The following GAS5 variants were observed in gnomAD, a reference collection of about 807,000 sequenced individuals.
The protein encoded by GAS5 is growth arrest specific 5.
upstream of GAS5, chr1:173,867,239 C>A: frequency 1.9e-6 from 1 of 527,988 alleles, no homozygotes; most frequent in Non-Finnish European, 3.3e-6. Flanking sequence ...CCGATGGCGG[C>A]CGGGCGCGGT....
chr1:173,864,937 G>T lies in GAS5; in HGVS notation n.276+534C>A, dbSNP rs747423686. The T allele has an allele frequency of 9.7e-6, 5 of 515,416 alleles. No homozygotes were observed. In the East Asian group the frequency reaches 2.7e-4, roughly 28 times the overall value. 31.9% of individuals were successfully genotyped at this position (515,416 alleles called of 1,614,324 possible). ...TACAACACTTAAAAACCAGACTTGA[G>T]GCGGGGCATGGTGGCTCACGCCTGT... is the stretch of plus-strand genomic sequence containing the variant. On this transcript the variant is annotated intron_variant and non_coding_transcript_variant, in intron 6 of 7. Coordinates refer to ENST00000651080, the Ensembl canonical transcript of GAS5.
At chr1:173,866,259 T>C (rs753395193) in intron 3 of GAS5, 1 of 502,862 alleles carries the variant, frequency 2.0e-6, no homozygotes, top group Non-Finnish European at 4.0e-6. Context: ...GGTAGATTGG[T>C]GGTACACTGC....
At chr1:173,864,359 TTAG>T (rs1472014140) in intron 6 of GAS5, 3 of 518,826 alleles carry the variant, frequency 5.8e-6, no homozygotes, top group African/African-American at 3.8e-5. Context: ...GTGATGCTTG[TTAG>T]TAGAGTAACC....
chr1:173,865,815 G>A (rs1003069702), intron 5 of GAS5: 8 of 513,108 alleles, frequency 1.6e-5, no homozygotes, highest in Non-Finnish European at 3.1e-5. Context: ...ATCACCATCA[G>A]CATTTTCATT....
intron 7 of GAS5, chr1:173,864,030 G>A: frequency 2.7e-6 from 1 of 374,048 alleles, no homozygotes. Context: ...TGAGGCTGTA[G>A]TAAGCTTCAA....
upstream of GAS5, chr1:173,868,783 T>C (rs1235167939): frequency 6.5e-6 from 1 of 153,002 alleles, no homozygotes; most frequent in South Asian, 2.1e-4. Context: ...CCCGACGCCT[T>C]GTCCCCATCT....
upstream of GAS5, chr1:173,868,708 C>G (rs1050018730): frequency 2.6e-5 from 4 of 152,900 alleles, no homozygotes; most frequent in Non-Finnish European, 5.8e-5. Flanking sequence ...CCGCCCGCCG[C>G]CGCCTGGAGC....
intron 6 of GAS5, chr1:173,864,894 T>C (rs976670351): frequency 1.9e-6 from 1 of 518,906 alleles, no homozygotes; most frequent in African/African-American, 1.9e-5. Context: ...AACTATGTTA[T>C]CATCATTGTA....
intron 3 of GAS5, chr1:173,866,376 CA>C (rs1364815170): frequency 1.9e-6 from 1 of 536,504 alleles, no homozygotes; most frequent in Non-Finnish European, 3.7e-6. Context: ...TATCTGTTTT[CA>C]CATTTTCTTC....
chr1:173,865,845 AT>A lies in GAS5; in HGVS notation n.199+11del, dbSNP rs1480046349. The A allele has an allele frequency of 3.6e-4, 183 of 513,318 alleles. 1 individual carries two copies. The highest frequency in any genetic ancestry group is 2.5e-3 in the South Asian group (177 of 70,986). 31.8% of individuals were successfully genotyped at this position (513,318 alleles called of 1,614,324 possible). On this transcript the variant is annotated intron_variant and non_coding_transcript_variant, in intron 5 of 7. Coordinates refer to ENST00000651080, the Ensembl canonical transcript of GAS5. ...TTCATTAAGTCTATCTACTGTTTTC[AT>A]TAATACTTACCAGAACCATTAAGCT...
chr1:173,864,534 T>C, intron 6 of GAS5: 1 of 412,048 alleles, frequency 2.4e-6, no homozygotes. Flanking sequence ...ATAATACCCA[T>C]TTAAAATTTG....
intron 2 of GAS5, chr1:173,866,684 A>C (rs558890642): frequency 1.3e-6 from 1 of 765,210 alleles, no homozygotes; most frequent in Non-Finnish European, 2.4e-6. Flanking sequence ...CTAGCACTCA[A>C]GAGTAGCAAA....
chr1:173,865,740 G>C, intron 5 of GAS5: 3 of 519,134 alleles, frequency 5.8e-6, no homozygotes, highest in Non-Finnish European at 1.2e-5. Flanking sequence ...TTCCAGACAT[G>C]CTCAAGGAAA....
intron 3 of GAS5, chr1:173,866,209 G>T (rs114972656): frequency 3.1e-5 from 15 of 480,016 alleles, no homozygotes; most frequent in South Asian, 1.1e-4. Context: ...TCTAATGCCT[G>T]TAATTTTAAT....
At chr1:173,866,742 G>A in intron 2 of GAS5, 1 of 765,452 alleles carries the variant, frequency 1.3e-6, no homozygotes, top group Non-Finnish European at 2.4e-6. Context: ...ACCTTTTTGA[G>A]AGGGAATTTT....
At chr1:173,867,009 C>G in exon 1 of GAS5, 1 of 765,022 alleles carries the variant, frequency 1.3e-6, no homozygotes, top group Non-Finnish European at 2.4e-6. Context: ...AAGGTGCTAT[C>G]CAGAGCCACA....
At chr1:173,866,162 TAC>T (rs367653326) in intron 4 of GAS5, 69 of 473,078 alleles carry the variant, frequency 1.5e-4, no homozygotes, top group East Asian at 5.2e-4. Context: ...CTTACTTGGA[TAC>T]AGTTTCACTT....
intron 5 of GAS5, chr1:173,865,551 G>C (rs1572015093): frequency 7.7e-6 from 4 of 516,566 alleles, no homozygotes; most frequent in African/African-American, 3.9e-5. Context: ...CCAGGAGCTG[G>C]AATACAAATG....
At chr1:173,867,963 A>G (rs528589475), upstream of GAS5, 1 of 339,264 alleles carries the variant, frequency 2.9e-6, no homozygotes, top group Non-Finnish European at 5.9e-6. Flanking sequence ...AACATACCTC[A>G]CAGGAGTCGA....
Sources: gnomAD v4.1 joint callset for allele counts on GRCh38, gnomAD v4.1.1 for gene constraint, MANE v1.5 for transcripts, NCBI Gene and HGNC (gene_info 2026-07-23, HGNC 2026-07-21) for gene names.